The following PCDH7 variants were observed in gnomAD, a reference collection of about 807,000 sequenced individuals.
The protein encoded by PCDH7 is protocadherin 7.
In PCDH7, 17 loss-of-function variants were observed where a neutral mutation model predicts 58.9. The ratio of observed to expected loss-of-function variants is 0.29; its 90% CI spans 0.20 to 0.43. The LOEUF is 0.43. PCDH7 is among the 20% of genes least tolerant of loss of function. The probability of loss-of-function intolerance (pLI) is 1.00; values close to 1 mark genes in which losing one functional copy is unlikely to be tolerated. For missense variants in PCDH7, 1,274 were observed against 1,441.0 expected, an observed-to-expected ratio of 0.88 and a Z score of 1.88; for synonymous variants, 664 against 616.4, an observed-to-expected ratio of 1.08 and a Z score of -1.14.
chr4:30,720,803 T>G lies in PCDH7; in HGVS notation c.-620T>G, dbSNP rs1027205160. On this transcript the variant is annotated 5_prime_UTR_variant, in exon 1 of 2. Coordinates refer to ENST00000361762, the Ensembl canonical transcript of PCDH7. This position sits in a 1 kb window ranked among gnomAD's most constrained non-coding sequence, Gnocchi z 4.7. ...CAGAGTCGGAGTTGAGACTGGCTTG[T>G]TGCTGGCCCCAGCGCCTGGTGCAGG... 6.5e-6 allele frequency: 1 copy of G among 152,922 alleles called. No homozygotes were observed. 9.5% of individuals were successfully genotyped at this position (152,922 alleles called of 1,614,324 possible). A position where few individuals can be genotyped will look rare whatever the true frequency, so the allele number is the denominator to read the frequency against.
At position 30,723,214 on chromosome 4, in the gene PCDH7, G is replaced by A; in HGVS notation, c.1792G>A (p.Asp598Asn). The change falls in exon 1 of 2, where the codon GAC becomes AAC. Residue 598 changes from aspartate to asparagine, a missense_variant. Transcript: ENST00000361762. This position sits in a 1 kb window ranked among gnomAD's most constrained non-coding sequence, Gnocchi z 4.6. ...GGACATCCTGGTCAATACCGTGCTGGACCGCGAGCAGACTGACAGGTATGA... is the reference window on the plus strand; with the variant it reads ...GGACATCCTGGTCAATACCGTGCTGAACCGCGAGCAGACTGACAGGTATGA... 6.2e-7 allele frequency: 1 copy of A among 1,614,222 alleles called. No homozygotes were observed. Among genetic ancestry groups the A allele is most frequent in the Non-Finnish European group, 8.5e-7 (1 of 1,180,052 alleles).
intron 1 of PCDH7, among the ~76,000 whole-genome samples, chr4:30,852,211 G>A (rs1732852151): frequency 6.6e-6 from 1 of 152,024 alleles, no homozygotes; most frequent in African/African-American, 2.4e-5. Context: ...ACAAAATATA[G>A]AATATCATGC....
intron 3 of PCDH7, among the ~76,000 whole-genome samples, chr4:30,964,391 G>C (rs569819834): frequency 1.3e-5 from 2 of 151,650 alleles, no homozygotes; most frequent in Non-Finnish European, 2.9e-5. Context: ...ACAGGCGTCC[G>C]CCACCTCGCC....
chr4:30,869,544 T>C (rs1735285591), intron 1 of PCDH7, among the ~76,000 whole-genome samples: 1 of 152,200 alleles, frequency 6.6e-6, no homozygotes. Flanking sequence ...TTAGGTTTTC[T>C]GTTCTTGTGT....
intron 1 of PCDH7, among the ~76,000 whole-genome samples, chr4:30,815,570 T>C (rs1465056380): frequency 6.6e-6 from 1 of 152,150 alleles, no homozygotes; most frequent in Admixed American, 6.5e-5. Context: ...CCTGCCAGCT[T>C]TGGGGAGAGG....
intron 1 of PCDH7, among the ~76,000 whole-genome samples, chr4:30,789,561 T>G (rs1229209837): frequency 6.6e-6 from 1 of 152,192 alleles, no homozygotes; most frequent in Non-Finnish European, 1.5e-5. Flanking sequence ...CTGTGAAAGG[T>G]CAGGGAACCA....
intron 1 of PCDH7, among the ~76,000 whole-genome samples, chr4:30,806,414 C>G (rs542771203): frequency 6.6e-6 from 1 of 152,128 alleles, no homozygotes; most frequent in Non-Finnish European, 1.5e-5. Context: ...AAGCAGTTCT[C>G]CTGTCTCAGC....
intron 3 of PCDH7, among the ~76,000 whole-genome samples, chr4:30,951,423 A>G (rs1173766124): frequency 6.6e-6 from 1 of 152,122 alleles, no homozygotes; most frequent in Non-Finnish European, 1.5e-5. Flanking sequence ...AGTATCTTTC[A>G]TGATCTCACT....
At chr4:31,112,713 T>C (rs540698550) in intron 3 of PCDH7, among the ~76,000 whole-genome samples, 10 of 152,286 alleles carry the variant, frequency 6.6e-5, no homozygotes, top group South Asian at 2.1e-4. Context: ...TGGAATAGAA[T>C]TACAATGCAG....
At position 30,721,651 on chromosome 4, in the gene PCDH7, A is replaced by C. The variant is rs761510267; in HGVS notation, c.229A>C (p.Ile77Leu). 1.2e-6 allele frequency: 2 copies of C among 1,613,958 alleles called. No homozygotes were observed. Among genetic ancestry groups the C allele is most frequent in the South Asian group, 2.2e-5 (2 of 91,076 alleles). The change falls in exon 1 of 2, where the codon ATC becomes CTC. Residue 77 changes from isoleucine (I) to leucine (L), a missense_variant. Ile to Leu is a conservative substitution (Grantham distance 5). This residue lies in a region of PCDH7 where 212 missense variants were observed against 255.8 expected (regional missense o/e 0.83). Coordinates refer to ENST00000361762, the Ensembl canonical transcript of PCDH7. The surrounding 1 kb of genome is among the most constrained non-coding windows in gnomAD (Gnocchi z 6.7). ...GGAGTCCGGTTCCGAGTACCTGAAG[A>C]TCGACAACCTCACTGGCGAGCTGAG...
intron 3 of PCDH7, among the ~76,000 whole-genome samples, chr4:31,135,916 T>G (rs369984745): frequency 2.6e-5 from 4 of 152,226 alleles, no homozygotes; most frequent in Admixed American, 6.5e-5. Context: ...GCAAGTAATA[T>G]TTATTGAGGG....
Position 30,721,536 on chromosome 4 carries a change from G to A in PCDH7, c.114G>A (p.Leu38=). The A allele has an allele frequency of 6.2e-7, 1 of 1,601,286 alleles. No individual in the cohort carries two copies. Among genetic ancestry groups the A allele is most frequent in the South Asian group, 1.1e-5 (1 of 91,020 alleles). Reference sequence around the variant, plus strand: ...CCAAGCAGCTCCTCCGGTACCGGCTGGCCGAGGAGGGCCCCGCCGACGTCC... The same window carrying A: ...CCAAGCAGCTCCTCCGGTACCGGCTAGCCGAGGAGGGCCCCGCCGACGTCC... The change falls in exon 1 of 2, where the codon CTG becomes CTA. Residue 38 remains leucine, a synonymous_variant. Transcript: ENST00000361762. The surrounding 1 kb of genome is among the most constrained non-coding windows in gnomAD (Gnocchi z 6.7).
At chr4:31,005,522 G>A (rs1361320463) in intron 3 of PCDH7, among the ~76,000 whole-genome samples, 2 of 152,140 alleles carry the variant, frequency 1.3e-5, no homozygotes, top group African/African-American at 4.8e-5. Context: ...AGATAAAATT[G>A]GGAAGTAATG....
intron 1 of PCDH7, among the ~76,000 whole-genome samples, chr4:30,817,736 T>C (rs1727878294): frequency 6.6e-6 from 1 of 152,142 alleles, no homozygotes; most frequent in African/African-American, 2.4e-5. Flanking sequence ...TGTGTTGTTC[T>C]GTTTCATTTT....
At chr4:30,724,477 CAGG>C in exon 1 of PCDH7, 1 of 1,614,134 alleles carries the variant, frequency 6.2e-7, no homozygotes, top group Non-Finnish European at 8.5e-7. Context: ...AAAAAAACAC[CAGG>C]CCGTACAAGA....
At chr4:30,977,625 T>C (rs1750185511) in intron 3 of PCDH7, among the ~76,000 whole-genome samples, 1 of 152,164 alleles carries the variant, frequency 6.6e-6, no homozygotes, top group South Asian at 2.1e-4. Context: ...AAGTGCACAT[T>C]TTCATGCACT....
intron 1 of PCDH7, among the ~76,000 whole-genome samples, chr4:30,855,949 C>T (rs973918352): frequency 6.6e-6 from 1 of 152,012 alleles, no homozygotes; most frequent in African/African-American, 2.4e-5. Context: ...TAAGGGGCAC[C>T]GTCTGGGTAA....
chr4:30,965,024 T>G (rs540720195), intron 3 of PCDH7, among the ~76,000 whole-genome samples: 1 of 152,330 alleles, frequency 6.6e-6, no homozygotes, highest in East Asian at 1.9e-4. Context: ...TATGGCATGC[T>G]CTAGAATCCA....
chr4:31,132,700 A>G (rs1719135901), intron 3 of PCDH7, among the ~76,000 whole-genome samples: 1 of 152,156 alleles, frequency 6.6e-6, no homozygotes, highest in Non-Finnish European at 1.5e-5. Flanking sequence ...AAATTCTATT[A>G]ACTTATAAAC....
Sources: gnomAD v4.1 joint callset for allele counts (sites outside exome capture counted in the v4.1 genomes callset) on GRCh38, gnomAD v4.1.1 for gene constraint, gnomAD v4.1.1 regional missense constraint, Gnocchi (gnomAD v3.1) non-coding constraint, MANE v1.5 for transcripts, NCBI Gene and HGNC (gene_info 2026-07-23, HGNC 2026-07-21) for gene names.